DOCK10: variants seen among roughly 807,000 people sequenced by gnomAD.
DOCK10 encodes dedicator of cytokinesis 10, also known as dedicator of cytokinesis protein 10.
A neutral mutation model predicts 280.1 loss-of-function variants in DOCK10; 145 were observed. The observed-to-expected ratio is 0.52, with a 90% CI of 0.45 to 0.59. The LOEUF (loss-of-function observed/expected upper bound fraction) is 0.59, where lower values mean the gene tolerates loss of function less well. Ranked by LOEUF, DOCK10 falls within the 20% of genes least tolerant of loss-of-function variation. The pLI, the probability that DOCK10 is intolerant of heterozygous loss-of-function variation, is 0.00. For synonymous variants in DOCK10, 915 were observed against 942.2 expected (o/e 0.97, Z 0.53); for missense variants, 2,368 against 2,651.7 (o/e 0.89, Z 2.35).
At chr2:224,875,679 T>C (rs1698581928) in intron 8 of DOCK10, among the ~76,000 whole-genome samples, 1 of 152,212 alleles carries the variant, frequency 6.6e-6, no homozygotes, top group Admixed American at 6.5e-5. Flanking sequence ...TATTTGCCTT[T>C]ACAGAGCATA....
Position 224,934,583 on chromosome 2 carries a change from GCAGCAAGGGAGCTGCCTGCT to G in DOCK10, c.124-2935_124-2916del, listed in dbSNP as rs1702580356. Among the ~76,000 whole-genome samples the G allele has an allele frequency of 2.0e-5, 3 of 152,198 alleles. No homozygotes were observed. In the South Asian group the frequency reaches 6.2e-4, roughly 31 times the overall value. ...GACTACATAACCAGTAGTTCTGTCC[GCAGCAAGGGAGCTGCCTGCT>G]CCCTTCAAATGTAAAGAGACAGATG... On this transcript the variant is annotated intron_variant, in intron 1 of 55. Transcript: ENST00000258390.
chr2:224,991,435 G>A (rs1214479801), intron 1 of DOCK10, among the ~76,000 whole-genome samples: 2 of 152,140 alleles, frequency 1.3e-5, no homozygotes, highest in African/African-American at 2.4e-5. Flanking sequence ...TAAATAGTAG[G>A]TGGTATCATT....
intron 1 of DOCK10, among the ~76,000 whole-genome samples, chr2:224,934,863 C>A (rs1702597452): frequency 6.6e-6 from 1 of 152,200 alleles, no homozygotes. Flanking sequence ...CTCTCTTTCT[C>A]TCAAATGAGT....
Position 224,804,119 on chromosome 2 carries a change from A to T in DOCK10, c.4261T>A (p.Ser1421Thr). 6.2e-7 allele frequency: 1 copy of T among 1,605,398 alleles called. No homozygotes were observed. Among genetic ancestry groups the T allele is most frequent in the Non-Finnish European group, 8.5e-7 (1 of 1,172,742 alleles). The change falls in exon 39 of 56, where the codon TCA becomes ACA. Residue 1421 changes from serine to threonine, a missense_variant. This residue lies in a region of DOCK10 where 1,159 missense variants were observed against 1,400.8 expected (regional missense o/e 0.83). Coordinates refer to ENST00000258390, the MANE Select transcript of DOCK10 (RefSeq NM_014689.3). ...NPSCQTSGLLSQWMHSTSSHE... is the reference protein window; with the variant it reads ...NPSCQTSGLLTQWMHSTSSHE... ...AAGCAAATGTGACATTACCATTGTG[A>T]CAAGAGACCTGATGTCTGGCAGGAA...
At chr2:224,919,159 G>A (rs900264482) in intron 2 of DOCK10, among the ~76,000 whole-genome samples, 22 of 149,850 alleles carry the variant, frequency 1.5e-4, no homozygotes, top group Non-Finnish European at 3.1e-4. Flanking sequence ...TATGTGTGGT[G>A]TGTGGTGGGT....
At chr2:224,902,445 G>A (rs1357199737) in intron 3 of DOCK10, among the ~76,000 whole-genome samples, 1 of 152,096 alleles carries the variant, frequency 6.6e-6, no homozygotes, top group Non-Finnish European at 1.5e-5. Flanking sequence ...TATTCATGCC[G>A]TTCTTTATAA....
chr2:224,946,789 T>C (rs1482996100), intron 1 of DOCK10: 3 of 1,354,770 alleles, frequency 2.2e-6, no homozygotes, highest in South Asian at 1.4e-5. Context: ...CTAATCATTT[T>C]TGAAAGAAAG....
chr2:224,992,611 T>G (rs1649947806), intron 1 of DOCK10, among the ~76,000 whole-genome samples: 1 of 152,212 alleles, frequency 6.6e-6, no homozygotes, highest in African/African-American at 2.4e-5. Context: ...AAATGCAAGA[T>G]GTGGATTCTT....
intron 7 of DOCK10, among the ~76,000 whole-genome samples, chr2:224,881,276 C>A (rs1698960862): frequency 6.6e-6 from 1 of 151,644 alleles, no homozygotes; most frequent in Admixed American, 6.6e-5. Context: ...TTCTGTGCAT[C>A]CTTCCCACAT....
At chr2:224,933,772 T>C (rs927072646) in intron 1 of DOCK10, among the ~76,000 whole-genome samples, 6 of 152,166 alleles carry the variant, frequency 3.9e-5, no homozygotes, top group Admixed American at 2.0e-4. Flanking sequence ...AGTAGAGATA[T>C]GAGAGTGTGG....
At chr2:224,977,352 G>A (rs1013845467) in intron 1 of DOCK10, among the ~76,000 whole-genome samples, 4 of 152,098 alleles carry the variant, frequency 2.6e-5, no homozygotes, top group Admixed American at 1.3e-4. Context: ...ACCAACACTT[G>A]CTTTTCTTTC....
chr2:224,882,745 A>G (rs1487355722), intron 7 of DOCK10, among the ~76,000 whole-genome samples: 1 of 152,178 alleles, frequency 6.6e-6, no homozygotes, highest in Non-Finnish European at 1.5e-5. Context: ...GGTCTGATTC[A>G]TCCTAGTTAT....
At position 224,770,735 on chromosome 2, in the gene DOCK10, G is replaced by A. The variant is rs901087753; in HGVS notation, c.6205-90C>T. The A allele has an allele frequency of 1.1e-6, 1 of 909,622 alleles. No homozygotes were observed. Among genetic ancestry groups the A allele is most frequent in the Non-Finnish European group, 1.8e-6 (1 of 560,040 alleles). The allele number at this position is 909,622 out of a possible 1,614,324, so 56.3% of individuals were successfully genotyped here. ...AGAGGAGCAACTGTGCACCAATGGT[G>A]TGGTACCCCCATCTCACACCCTGCC... On this transcript the variant is annotated intron_variant, in intron 53 of 55. Coordinates refer to ENST00000258390, the MANE Select transcript of DOCK10 (RefSeq NM_014689.3). The surrounding 1 kb of genome is among the most constrained non-coding windows in gnomAD (Gnocchi z 4.5).
chr2:224,992,427 G>A (rs1366655880), intron 1 of DOCK10, among the ~76,000 whole-genome samples: 1 of 152,174 alleles, frequency 6.6e-6, no homozygotes, highest in Admixed American at 6.5e-5. Flanking sequence ...TTATTTGCCA[G>A]GACTCAGGGG....
At chr2:224,943,544 A>G (rs1227156849) in intron 1 of DOCK10, among the ~76,000 whole-genome samples, 1 of 152,306 alleles carries the variant, frequency 6.6e-6, no homozygotes, top group East Asian at 1.9e-4. Context: ...AACAGATATG[A>G]TAAGTATCTG....
Position 224,797,852 on chromosome 2 carries a change from A to G in DOCK10, c.4624T>C (p.Leu1542=), listed in dbSNP as rs1692690247. The change falls in exon 42 of 56, where the codon TTG becomes CTG. Residue 1542 remains leucine, a synonymous_variant. Coordinates refer to ENST00000258390, the MANE Select transcript of DOCK10 (RefSeq NM_014689.3). ...ATALKHVFAS[L]RLFVCKFPSA... Reference sequence around the variant, plus strand: ...CTTACCTTGCATACAAACAGTCTCAAGGAGGCAAACACATGCTTCAGCGCT... The same window carrying G: ...CTTACCTTGCATACAAACAGTCTCAGGGAGGCAAACACATGCTTCAGCGCT... 2 of 1,613,804 alleles carry G rather than the reference A, an allele frequency of 1.2e-6. No homozygotes were observed. The highest frequency in any genetic ancestry group is 1.7e-6 in the Non-Finnish European group (2 of 1,179,758).
intron 1 of DOCK10, among the ~76,000 whole-genome samples, chr2:225,025,943 TA>T (rs1001579792): frequency 6.6e-6 from 1 of 151,968 alleles, no homozygotes; most frequent in African/African-American, 2.4e-5. Flanking sequence ...ATAATTACAA[TA>T]AAAATTAATT....
intron 1 of DOCK10, among the ~76,000 whole-genome samples, chr2:224,992,844 T>TTCTAGG (rs1053148807): frequency 3.3e-5 from 5 of 152,252 alleles, no homozygotes; most frequent in African/African-American, 1.2e-4. Flanking sequence ...CCATGAGTTC[T>TTCTAGG]TCTAGGTCTA....
chr2:224,986,363 G>A (rs1705973404), intron 1 of DOCK10, among the ~76,000 whole-genome samples: 1 of 152,034 alleles, frequency 6.6e-6, no homozygotes, highest in African/African-American at 2.4e-5. Context: ...AGTTTCTGGT[G>A]GGTCCATTTC....
Sources: allele counts gnomAD v4.1 joint callset (sites outside exome capture counted in the v4.1 genomes callset), GRCh38; gene constraint gnomAD v4.1.1; regional missense constraint gnomAD v4.1.1; non-coding constraint Gnocchi (gnomAD v3.1); transcripts MANE v1.5; gene names NCBI Gene and HGNC (gene_info 2026-07-23, HGNC 2026-07-21).